The following TNS1 variants were observed in gnomAD, a reference collection of about 807,000 sequenced individuals.
TNS1 encodes tensin 1.
A neutral mutation model predicts 168.6 loss-of-function variants in TNS1; 62 were observed. The observed-to-expected ratio is 0.37, with a 90% CI of 0.30 to 0.45. The LOEUF is 0.45. Among genes scored for constraint, TNS1 ranks in the 20% least tolerant of loss-of-function variants. The pLI, the probability that TNS1 is intolerant of heterozygous loss-of-function variation, is 1.00. For synonymous variants in TNS1, 934 were observed against 933.2 expected (o/e 1.00, Z -0.02); for missense variants, 2,240 against 2,339.4 (o/e 0.96, Z 0.88).
chr2:217,939,366 C>T (rs1956793638), intron 3 of TNS1, among the ~76,000 whole-genome samples: 1 of 152,222 alleles, frequency 6.6e-6, no homozygotes, highest in Admixed American at 6.5e-5. Flanking sequence ...CCCCTCTGCC[C>T]TCCATTAGCC....
rs1942138087 is a variant in TNS1, at chr2:217,817,801, T to C, written c.4531A>G (p.Ile1511Val). The change falls in exon 24 of 33, where the codon ATC becomes GTC. Residue 1511 changes from isoleucine (I) to valine (V), a missense_variant. Transcript: ENST00000682258. ...ACAGGCGAAGACACCTTCCCATTGA[T>C]GGTGGCATAGTTGGGGAGGCTGCCT... ...RAGSLPNYAT[I>V]NGKVSSPVAS... The C allele has an allele frequency of 6.2e-7, 1 of 1,614,240 alleles. No individual in the cohort carries two copies.
chr2:217,944,474 A>T (rs1229130309), intron 3 of TNS1, among the ~76,000 whole-genome samples: 1 of 152,226 alleles, frequency 6.6e-6, no homozygotes. Context: ...TGAGATGGTG[A>T]TGATGATAAT....
At chr2:217,823,421 C>T (rs911309669) in intron 22 of TNS1, among the ~76,000 whole-genome samples, 1 of 152,240 alleles carries the variant, frequency 6.6e-6, no homozygotes, top group African/African-American at 2.4e-5. Flanking sequence ...CCTTCCTCCC[C>T]TTAGCCCAAA....
chr2:217,923,067 C>T (rs1488540400), intron 3 of TNS1, among the ~76,000 whole-genome samples: 1 of 152,230 alleles, frequency 6.6e-6, no homozygotes, highest in Non-Finnish European at 1.5e-5. Context: ...CACTCTATGG[C>T]CCATGCCCTG....
intron 18 of TNS1, among the ~76,000 whole-genome samples, chr2:217,854,448 T>C (rs1162534735): frequency 6.6e-6 from 1 of 152,130 alleles, no homozygotes; most frequent in African/African-American, 2.4e-5. Flanking sequence ...AAAAAGTCCT[T>C]TGGGTCCAAG....
intron 19 of TNS1, chr2:217,842,234 C>T: frequency 1.6e-6 from 1 of 617,812 alleles, no homozygotes; most frequent in Non-Finnish European, 2.9e-6. Flanking sequence ...GTCAACAATT[C>T]CCATATCTCT....
chr2:217,851,470 CACA>C (rs1559238290), intron 18 of TNS1, among the ~76,000 whole-genome samples: 90 of 151,978 alleles, frequency 5.9e-4, no homozygotes, highest in African/African-American at 2.0e-3. Flanking sequence ...CACACACACA[CACA>C]CCCCAGGGAC....
Position 217,885,105 on chromosome 2 carries a change from C to T in TNS1, c.1176G>A (p.Gln392=), listed in dbSNP as rs1292792208. 6.2e-7 allele frequency: 1 copy of T among 1,614,266 alleles called. No homozygotes were observed. Among genetic ancestry groups the T allele is most frequent in the East Asian group, 2.2e-5 (1 of 44,882 alleles). The change falls in exon 16 of 33, where the codon CAG becomes CAA. Residue 392 remains glutamine (Q), a synonymous_variant. Coordinates refer to ENST00000682258, the MANE Select transcript of TNS1 (RefSeq NM_001387777.1). ...GGTCATGGATGGCACAGGTGTGGAACTGCACACGGAAGATGACGTCTCGGG... is the reference window on the plus strand; with the variant it reads ...GGTCATGGATGGCACAGGTGTGGAATTGCACACGGAAGATGACGTCTCGGG... ...SPARDVIFRV[Q]FHTCAIHDLG...
chr2:217,978,827 G>T lies in TNS1; in HGVS notation c.149-25C>A, dbSNP rs906654221. 3 of 702,120 alleles carry T rather than the reference G, an allele frequency of 4.3e-6. No individual in the cohort carries two copies. The African/African-American group carries it at 5.2e-5, about 12-fold the overall frequency. 43.5% of individuals were successfully genotyped at this position (702,120 alleles called of 1,614,324 possible). ...ACTGCAAGAGGGCGAGACACAGAAAGAAAGTTTTAGCCGCGAGGTATGAAA... is the reference window on the plus strand; with the variant it reads ...ACTGCAAGAGGGCGAGACACAGAAATAAAGTTTTAGCCGCGAGGTATGAAA... On this transcript the variant is annotated intron_variant, in intron 2 of 32. Coordinates refer to ENST00000682258, the MANE Select transcript of TNS1 (RefSeq NM_001387777.1).
chr2:217,841,069 CAG>C, intron 19 of TNS1: 1 of 260,324 alleles, frequency 3.8e-6, no homozygotes, highest in Non-Finnish European at 6.0e-6. Flanking sequence ...GAGGAAAAGA[CAG>C]AGGAGAGAAG....
chr2:217,889,690 T>C (rs569624320), intron 12 of TNS1, among the ~76,000 whole-genome samples: 19 of 152,332 alleles, frequency 1.2e-4, no homozygotes, highest in Admixed American at 1.2e-3. Context: ...TCTGAATTGT[T>C]TCCTTATATG....
At chr2:217,913,987 T>G (rs980570992) in intron 4 of TNS1, among the ~76,000 whole-genome samples, 2 of 152,156 alleles carry the variant, frequency 1.3e-5, no homozygotes, top group Non-Finnish European at 2.9e-5. Context: ...TACACTAGAT[T>G]GCCTGGCCCT....
chr2:217,821,615 C>G (rs1275415006), intron 23 of TNS1, 125 bp downstream of exon 23: 1 of 968,318 alleles, frequency 1.0e-6, no homozygotes, highest in Non-Finnish European at 1.4e-6. Flanking sequence ...TTGCAAGGTA[C>G]CGCCATCTGG....
At chr2:217,972,601 G>C (rs975929186) in intron 3 of TNS1, among the ~76,000 whole-genome samples, 3 of 152,222 alleles carry the variant, frequency 2.0e-5, no homozygotes, top group Non-Finnish European at 4.4e-5. Context: ...CTGGAAAGAG[G>C]TAACAGAGAG....
chr2:217,953,815 CGTCTGGCCTGT>C (rs1957298961), intron 3 of TNS1, among the ~76,000 whole-genome samples: 1 of 152,198 alleles, frequency 6.6e-6, no homozygotes, highest in African/African-American at 2.4e-5. Flanking sequence ...ATTCCACTCC[CGTCTGGCCTGT>C]GTCAGGAGCA....
At chr2:217,825,498 T>A (rs533386362) in intron 22 of TNS1, among the ~76,000 whole-genome samples, 61 of 152,328 alleles carry the variant, frequency 4.0e-4, no homozygotes, top group African/African-American at 1.5e-3. Context: ...TCCATTGGAA[T>A]GAACCATCAG....
chr2:217,879,714 G>T (rs1187974711), intron 18 of TNS1, among the ~76,000 whole-genome samples: 1 of 152,184 alleles, frequency 6.6e-6, no homozygotes, highest in Non-Finnish European at 1.5e-5. Flanking sequence ...TCAAGGAAAG[G>T]CCCAAAGATT....
At chr2:217,858,217 C>G (rs1948391812) in intron 18 of TNS1, among the ~76,000 whole-genome samples, 1 of 152,142 alleles carries the variant, frequency 6.6e-6, no homozygotes, top group Non-Finnish European at 1.5e-5. Flanking sequence ...ACGGCCCCCC[C>G]ACCAACCCAG....
At chr2:217,819,338 G>T (rs1019170352) in intron 23 of TNS1, among the ~76,000 whole-genome samples, 20 of 152,208 alleles carry the variant, frequency 1.3e-4, no homozygotes, top group African/African-American at 4.8e-4. Context: ...TCATTGTAAG[G>T]TCTGCTCTCC....
Sources: allele counts gnomAD v4.1 joint callset (sites outside exome capture counted in the v4.1 genomes callset), GRCh38; gene constraint gnomAD v4.1.1; transcripts MANE v1.5; gene names NCBI Gene and HGNC (gene_info 2026-07-23, HGNC 2026-07-21).